POLI: variants seen among roughly 807,000 people sequenced by gnomAD.
POLI encodes RAD30 homolog B.
Under a neutral mutation model 51.6 loss-of-function variants are expected in POLI, and 58 were observed. That is an observed-to-expected ratio of 1.12 (90% CI 0.91 to 1.40). The LOEUF is 1.40. Ranked by LOEUF, POLI falls within the 40% of genes most tolerant of loss-of-function variation. The probability of loss-of-function intolerance (pLI) is 0.00; values close to 1 mark genes in which losing one functional copy is unlikely to be tolerated. For synonymous variants in POLI, 322 were observed against 299.7 expected (o/e 1.07, Z -0.77); for missense variants, 921 against 871.3 (o/e 1.06, Z -0.72).
chr18:54,283,779 T>C lies in POLI; in HGVS notation c.976-143T>C, dbSNP rs1365702186. Reference sequence around the variant, plus strand: ...GCTTGCAGATAAAAAACTGTTAATATAAAAGTGAACTAAATGGCTCAAACT... The same window carrying C: ...GCTTGCAGATAAAAAACTGTTAATACAAAAGTGAACTAAATGGCTCAAACT... On this transcript the variant is annotated intron_variant, in intron 6 of 9. Coordinates refer to ENST00000579534, the MANE Select transcript of POLI (RefSeq NM_007195.3). The C allele has an allele frequency of 6.3e-6, 3 of 474,708 alleles. No individual in the cohort carries two copies. In the East Asian group the frequency reaches 1.0e-4, roughly 16 times the overall value. 29.4% of individuals were successfully genotyped at this position (474,708 alleles called of 1,614,324 possible).
chr18:54,271,411 T>C lies in POLI; in HGVS notation c.167T>C (p.Val56Ala). 6.2e-7 allele frequency: 1 copy of C among 1,609,056 alleles called. No individual in the cohort carries two copies. Among genetic ancestry groups the C allele is most frequent in the Non-Finnish European group, 8.5e-7 (1 of 1,175,462 alleles). The change falls in exon 2 of 10, where the codon GTA (valine) becomes GCA (alanine). Residue 56 changes from valine (V) to alanine (A), a missense_variant. By Grantham distance (64) the Val-to-Ala change is moderately conservative. Transcript: ENST00000579534. ...CCAAATGCTTCATCCAGAGTCATAG[T>C]ACATGTGGATCTGGATTGCTTTTAT... The part of the protein sequence containing the change: ...PTPNASSRVI[V>A]HVDLDCFYAQ...
intron 3 of POLI, among the ~76,000 whole-genome samples, chr18:54,315,986 GC>G (rs1466553528): frequency 2.0e-5 from 3 of 151,772 alleles, no homozygotes; most frequent in Non-Finnish European, 4.4e-5. Context: ...TGTGCTTATA[GC>G]TCACTGCAGG....
chr18:54,291,866 T>C lies in POLI; in HGVS notation c.1232T>C (p.Ile411Thr), dbSNP rs771859557. 6.2e-7 allele frequency: 1 copy of C among 1,600,066 alleles called. No homozygotes were observed. Among genetic ancestry groups the C allele is most frequent in the Non-Finnish European group, 8.6e-7 (1 of 1,168,206 alleles). Residue 411 changes from isoleucine (I) to threonine (T), a missense_variant, in exon 9 of 10, where the codon ATA becomes ACA. Physicochemically the swap from Ile to Thr is moderately conservative, Grantham distance 89. Coordinates refer to ENST00000579534, the MANE Select transcript of POLI (RefSeq NM_007195.3). Reference sequence around the variant, plus strand: ...GATGTGATGACCCCAATGGTTGATATACTTATGAAACTTTTTCGAAATATG... The same window carrying C: ...GATGTGATGACCCCAATGGTTGATACACTTATGAAACTTTTTCGAAATATG... ...NYDVMTPMVDILMKLFRNMVN... is the reference protein window; with the variant it reads ...NYDVMTPMVDTLMKLFRNMVN...
intron 5 of POLI, among the ~76,000 whole-genome samples, chr18:54,281,444 T>G (rs2087497329): frequency 6.6e-6 from 1 of 152,186 alleles, no homozygotes; most frequent in Admixed American, 6.5e-5. Flanking sequence ...GCCATCAATA[T>G]GTTGAACTAC....
chr18:54,270,861 A>G (rs666027), intron 1 of POLI: 38,279 of 152,472 alleles, frequency 0.25, 5,029 homozygotes, highest in Middle Eastern at 0.3. Context: ...ATTAAACCAG[A>G]TAATCCTGCT....
At chr18:54,306,943 C>T (rs1320665284) in intron 3 of POLI, among the ~76,000 whole-genome samples, 1 of 151,984 alleles carries the variant, frequency 6.6e-6, no homozygotes, top group Non-Finnish European at 1.5e-5. Context: ...TTTTTTATTG[C>T]ATCTATTTGA....
Position 54,269,520 on chromosome 18 carries a change from A to G in POLI, c.-27A>G, listed in dbSNP as rs993124753. The G allele has an allele frequency of 1.1e-5, 16 of 1,505,754 alleles. No homozygotes were observed. Among genetic ancestry groups the G allele is most frequent in the African/African-American group, 2.9e-5 (2 of 68,062 alleles). The allele number at this position is 1,505,754 out of a possible 1,614,324, so 93.3% of individuals were successfully genotyped here. ...TGGAGACCAGGCGGAAGCGGCCGGAAGTAGCGCTGCGGTTGGCAGCGGCGG... is the reference window on the plus strand; with the variant it reads ...TGGAGACCAGGCGGAAGCGGCCGGAGGTAGCGCTGCGGTTGGCAGCGGCGG... On this transcript the variant is annotated 5_prime_UTR_variant, in exon 1 of 10. Coordinates refer to ENST00000579534, the MANE Select transcript of POLI (RefSeq NM_007195.3).
At chr18:54,299,392 A>G (rs969746070), downstream of POLI, among the ~76,000 whole-genome samples, 10 of 152,140 alleles carry the variant, frequency 6.6e-5, no homozygotes, top group Non-Finnish European at 7.4e-5. Context: ...CCAAGATCCC[A>G]CCATTGCACT....
intron 8 of POLI, among the ~76,000 whole-genome samples, chr18:54,290,274 A>G (rs570611347): frequency 8.5e-5 from 13 of 152,242 alleles, no homozygotes; most frequent in South Asian, 2.1e-4. Context: ...CAAAACCACA[A>G]TGAGATACCA....
rs528849971 is a variant in POLI at position 54,282,491 on chromosome 18, T to TGA, written c.797-336_797-335dup. ...GTGGTCTGAAAATAATAAGATATTT[T>TGA]GAGAGAGAGAGGCAGAGACCACATT... On this transcript the variant is annotated intron_variant, in intron 5 of 9. Transcript: ENST00000579534. Among the ~76,000 whole-genome samples, 6 of 152,226 alleles carry TGA rather than the reference T, an allele frequency of 3.9e-5. No homozygotes were observed. The South Asian group carries it at 1.0e-3, about 26-fold the overall frequency.
In POLI at chr18:54,296,437, CTT is replaced by C. The variant is rs2088333106; in HGVS notation, c.*1975_*1976del. 2 of 879,606 alleles carry C rather than the reference CTT, an allele frequency of 2.3e-6. No homozygotes were observed. The highest frequency in any genetic ancestry group is 1.8e-5 in the African/African-American group (1 of 55,274). 54.5% of individuals were successfully genotyped at this position (879,606 alleles called of 1,614,324 possible). On this transcript the variant is annotated 3_prime_UTR_variant, in exon 10 of 10. Coordinates refer to ENST00000579534, the MANE Select transcript of POLI (RefSeq NM_007195.3). ...TTTTTCTCTGTTTTTAAGATTATCT[CTT>C]TTTTCTTTGGTGCTTTGCAGGTTTA...
At chr18:54,286,568 A>C (rs2087756522) in intron 7 of POLI, among the ~76,000 whole-genome samples, 1 of 152,178 alleles carries the variant, frequency 6.6e-6, no homozygotes, top group Admixed American at 6.5e-5. Flanking sequence ...AAAAAGTTTG[A>C]AAAAAGTTCT....
At chr18:54,303,159 A>T (rs2088521161), downstream of POLI, among the ~76,000 whole-genome samples, 2 of 152,184 alleles carry the variant, frequency 1.3e-5, no homozygotes, top group Admixed American at 1.3e-4. Flanking sequence ...TCATGGTAGG[A>T]CACCTACATA....
Position 54,297,032 on chromosome 18 carries a change from C to A in POLI, c.*2565C>A, listed in dbSNP as rs2144617133. ...CCTTCAGTATGATTTGAGTTCGTTG[C>A]TTCTCTGGGTGAGGTGGTACAAACT... On this transcript the variant is annotated 3_prime_UTR_variant, in exon 10 of 10. Transcript: ENST00000579534. The A allele has an allele frequency of 2.0e-6, 2 of 985,402 alleles. No homozygotes were observed. Among genetic ancestry groups the A allele is most frequent in the South Asian group, 9.4e-5 (2 of 21,286 alleles). The allele number at this position is 985,402 out of a possible 1,614,324, so 61.0% of individuals were successfully genotyped here.
At chr18:54,271,910 T>G (rs941312318) in intron 2 of POLI, among the ~76,000 whole-genome samples, 5 of 152,216 alleles carry the variant, frequency 3.3e-5, no homozygotes, top group Non-Finnish European at 5.9e-5. Flanking sequence ...ACTAGTTGGA[T>G]TTTGAACATA....
At chr18:54,273,872 C>T in intron 2 of POLI, 54 bp from the exon 3 acceptor site, 1 of 949,918 alleles carries the variant, frequency 1.1e-6, no homozygotes, top group South Asian at 2.6e-5. Context: ...TTAATAATAT[C>T]TTTAAATGTT....
At position 54,296,192 on chromosome 18, in the gene POLI, G is replaced by C. The variant is rs1240144443; in HGVS notation, c.*1725G>C. 1 of 984,816 alleles carries C rather than the reference G, an allele frequency of 1.0e-6. No homozygotes were observed. Among genetic ancestry groups the C allele is most frequent in the East Asian group, 1.1e-4 (1 of 8,806 alleles). 61.0% of individuals were successfully genotyped at this position (984,816 alleles called of 1,614,324 possible). On this transcript the variant is annotated 3_prime_UTR_variant, in exon 10 of 10. Transcript: ENST00000579534. ...TAAAACATTTTATAGTCCTTGTAATGATTTCAGGACCTTGGACAGCTAGAA... is the reference window on the plus strand; with the variant it reads ...TAAAACATTTTATAGTCCTTGTAATCATTTCAGGACCTTGGACAGCTAGAA...
Position 54,295,555 on chromosome 18 carries a change from A to G in POLI, c.*1088A>G. On this transcript the variant is annotated 3_prime_UTR_variant, in exon 10 of 10. Coordinates refer to ENST00000579534, the MANE Select transcript of POLI (RefSeq NM_007195.3). The stretch of plus-strand genomic sequence containing the variant: ...ACATATAATCTAAAGAAGAGACTTT[A>G]AAAATAAAGTACACAAATATGAACC... The G allele has an allele frequency of 1.2e-6, 1 of 833,646 alleles. No homozygotes were observed. The highest frequency in any genetic ancestry group is 1.4e-6 in the Non-Finnish European group (1 of 691,944). The allele number at this position is 833,646 out of a possible 1,614,324, so 51.6% of individuals were successfully genotyped here.
At chr18:54,308,840 A>G (rs911315625) in intron 3 of POLI, among the ~76,000 whole-genome samples, 4 of 152,068 alleles carry the variant, frequency 2.6e-5, no homozygotes, top group African/African-American at 9.7e-5. Flanking sequence ...TTGATCTTCA[A>G]TCACTGATAC....
Sources: allele counts gnomAD v4.1 joint callset (sites outside exome capture counted in the v4.1 genomes callset), GRCh38; gene constraint gnomAD v4.1.1; transcripts MANE v1.5; gene names NCBI Gene and HGNC (gene_info 2026-07-23, HGNC 2026-07-21).